The following OSMR variants were observed in gnomAD, a reference collection of about 807,000 sequenced individuals.
The protein encoded by OSMR is oncostatin M receptor.
Under a neutral mutation model 99.9 loss-of-function variants are expected in OSMR, and 81 were observed. The ratio of observed to expected loss-of-function variants is 0.81; its 90% CI spans 0.68 to 0.97. OSMR has a LOEUF of 0.97. Ranked by LOEUF, OSMR falls within the 50% of genes least tolerant of loss-of-function variation. OSMR has a pLI of 0.00. For missense variants in OSMR, 1,099 were observed against 1,153.4 expected, an observed-to-expected ratio of 0.95 and a Z score of 0.68; for synonymous variants, 406 against 410.4, an observed-to-expected ratio of 0.99 and a Z score of 0.13.
intron 7 of OSMR, among the ~76,000 whole-genome samples, chr5:38,897,128 C>G (rs899600036): frequency 7.9e-5 from 12 of 151,872 alleles, no homozygotes; most frequent in Non-Finnish European, 2.9e-5. Context: ...TTATCTGTCT[C>G]TCTCTGGTTT....
intron 3 of OSMR, among the ~76,000 whole-genome samples, chr5:38,878,872 G>A (rs1260235441): frequency 6.6e-6 from 1 of 152,194 alleles, no homozygotes; most frequent in Non-Finnish European, 1.5e-5. Context: ...CACATAAATA[G>A]TGTCTGGGGG....
rs1235343606 is a variant in OSMR, at chr5:38,921,729, A to T, written c.1700A>T (p.Asp567Val). The change falls in exon 12 of 18, where the codon GAT becomes GTT. Residue 567 changes from aspartate to valine, a missense_variant. Transcript: ENST00000274276. ...GTGGACTGGTGTGACCATACCCAGG[A>T]TGTGCTCGGTGATTTCCAGTGGAAG... ...YVVDWCDHTQDVLGDFQWKNV... is the reference protein window; with the variant it reads ...YVVDWCDHTQVVLGDFQWKNV... The T allele has an allele frequency of 6.2e-6, 10 of 1,614,160 alleles. No individual in the cohort carries two copies. The highest frequency in any genetic ancestry group is 8.5e-6 in the Non-Finnish European group (10 of 1,180,022).
chr5:38,918,822 T>A lies in OSMR; in HGVS notation c.1363-18T>A, dbSNP rs759414882. On this transcript the variant is annotated intron_variant, in intron 10 of 17. Transcript: ENST00000274276. ...CAATTAAAACCCATTTAAAAATGTT[T>A]ATCAATATTTTTTTCAGCCATTATC... The A allele has an allele frequency of 8.7e-6, 14 of 1,612,104 alleles. No individual in the cohort carries two copies. The South Asian group carries it at 1.5e-4, about 18-fold the overall frequency.
At chr5:38,921,399 T>C (rs946358079) in intron 11 of OSMR, 2 of 751,528 alleles carry the variant, frequency 2.7e-6, no homozygotes. Context: ...GTCAACATGA[T>C]GGGCATCTGA....
chr5:38,942,450 T>TA, intron 1 of OSMR: 1 of 792,944 alleles, frequency 1.3e-6, no homozygotes, highest in South Asian at 2.6e-5. Context: ...TATAAATATC[T>TA]AATTTTTTTT....
intron 1 of OSMR, chr5:38,944,143 CTG>C (rs1579856381): frequency 1.3e-5 from 6 of 457,540 alleles, no homozygotes; most frequent in East Asian, 1.2e-4. Context: ...ATAAAAATAA[CTG>C]TATTTTCCAA....
intron 9 of OSMR, among the ~76,000 whole-genome samples, chr5:38,908,616 G>C (rs1279687370): frequency 6.6e-6 from 1 of 152,204 alleles, no homozygotes; most frequent in Non-Finnish European, 1.5e-5. Flanking sequence ...TACCAGTCCT[G>C]CAGAGTTAGA....
chr5:38,876,810 G>C (rs1234109563), intron 3 of OSMR, among the ~76,000 whole-genome samples: 2 of 152,180 alleles, frequency 1.3e-5, no homozygotes, highest in Non-Finnish European at 1.5e-5. Flanking sequence ...CCCAGCTGAA[G>C]TGCAGGGAAG....
intron 1 of OSMR, chr5:38,942,182 G>C (rs1301490273): frequency 2.3e-5 from 12 of 520,368 alleles, no homozygotes; most frequent in Non-Finnish European, 3.8e-5. Flanking sequence ...AGTAACTGCG[G>C]AACAGTGTAC....
At chr5:38,897,672 G>GGGTTT (rs199557116) in intron 7 of OSMR, among the ~76,000 whole-genome samples, 4,836 of 151,724 alleles carry the variant, frequency 0.032, 102 homozygotes, top group Non-Finnish European at 0.051. Flanking sequence ...TACTAACTTT[G>GGGTTT]GGTTTGGTTT....
chr5:38,919,361 C>T, intron 11 of OSMR: 4 of 1,357,178 alleles, frequency 2.9e-6, no homozygotes, highest in Non-Finnish European at 3.9e-6. Flanking sequence ...CAAACAGTCA[C>T]CACTGAGAGT....
intron 9 of OSMR, among the ~76,000 whole-genome samples, chr5:38,913,656 A>C (rs1022514229): frequency 6.6e-6 from 1 of 152,152 alleles, no homozygotes; most frequent in African/African-American, 2.4e-5. Flanking sequence ...CATCAGAAAA[A>C]GTCATATCAA....
chr5:38,854,625 TA>T lies in OSMR; in HGVS notation c.-14+8245del, dbSNP rs113346018. ...GGCCTGAACAGATATCTATTTTCAT[TA>T]AAAAAAGATTGAAAGCAAAGAAGAG... On this transcript the variant is annotated intron_variant, in intron 1 of 17. Coordinates refer to ENST00000274276, the MANE Select transcript of OSMR (RefSeq NM_003999.3). 1.9e-3 allele frequency among the ~76,000 whole-genome samples: 283 copies of T among 152,202 alleles called. 2 individuals carry two copies. Among genetic ancestry groups the T allele is most frequent in the African/African-American group, 6.2e-3 (256 of 41,530 alleles).
At position 38,935,009 on chromosome 5, in the gene OSMR, A is replaced by ATCTT. The variant is rs1469324249; in HGVS notation, c.*1567_*1570dup. 3 of 150,160 alleles carry ATCTT rather than the reference A, an allele frequency of 2.0e-5. No homozygotes were observed. The highest frequency in any genetic ancestry group is 3.4e-3 in the Middle Eastern group (1 of 290). 9.3% of individuals were successfully genotyped at this position (150,160 alleles called of 1,614,324 possible). A position where few individuals can be genotyped will look rare whatever the true frequency, so the allele number is the denominator to read the frequency against. ...CACCACCACACCCAGGTAATTTTGT[A>ATCTT]TCTTTAGTAGAGATGGGGTTTCACC... On this transcript the variant is annotated 3_prime_UTR_variant, in exon 18 of 18. Transcript: ENST00000274276.
downstream of OSMR, among the ~76,000 whole-genome samples, chr5:38,936,987 T>TA (rs1188187089): frequency 6.6e-6 from 1 of 152,250 alleles, no homozygotes; most frequent in Non-Finnish European, 1.5e-5. Context: ...AGGACTTTTT[T>TA]AAAGGATCAG....
chr5:38,862,363 G>A (rs1741487388), intron 1 of OSMR, among the ~76,000 whole-genome samples: 1 of 114,736 alleles, frequency 8.7e-6, no homozygotes, highest in African/African-American at 3.6e-5. Context: ...CCCAGTAGGG[G>A]CGGCCGGGCA....
chr5:38,851,202 C>T (rs1480244646), intron 1 of OSMR, among the ~76,000 whole-genome samples: 2 of 152,152 alleles, frequency 1.3e-5, no homozygotes, highest in East Asian at 1.9e-4. Context: ...AAAACATGCA[C>T]ACACACACGT....
chr5:38,925,558 T>C (rs766461374), intron 15 of OSMR, among the ~76,000 whole-genome samples, 187 bp downstream of exon 15: 1 of 152,182 alleles, frequency 6.6e-6, no homozygotes, highest in Non-Finnish European at 1.5e-5. Context: ...ACTCTCACTA[T>C]ATAAAACAGA....
chr5:38,886,182 C>T lies in OSMR; in HGVS notation c.983C>T (p.Thr328Ile), dbSNP rs753556214. ...AGTGTCAATATCCTTTTTAACCTGACTCATCGAGGTGAGACTAGAGTTGTC... is the reference window on the plus strand; with the variant it reads ...AGTGTCAATATCCTTTTTAACCTGATTCATCGAGGTGAGACTAGAGTTGTC... ...KRSVNILFNL[T>I]HRVYLMNPFS... Residue 328 changes from threonine to isoleucine, a missense_variant, in exon 7 of 18, where the codon ACT (threonine) becomes ATT (isoleucine). By Grantham distance (89) the Thr-to-Ile change is moderately conservative. Coordinates refer to ENST00000274276, the MANE Select transcript of OSMR (RefSeq NM_003999.3). 6.2e-7 allele frequency: 1 copy of T among 1,614,104 alleles called. No individual in the cohort carries two copies. The highest frequency in any genetic ancestry group is 1.1e-5 in the South Asian group (1 of 91,080).
Sources: allele counts gnomAD v4.1 joint callset (sites outside exome capture counted in the v4.1 genomes callset), GRCh38; gene constraint gnomAD v4.1.1; transcripts MANE v1.5; gene names NCBI Gene and HGNC (gene_info 2026-07-23, HGNC 2026-07-21).